The following EYS variants were observed in gnomAD, a reference collection of about 807,000 sequenced individuals.
EYS encodes EGF-like photoreceptor maintenance factor, also known as protein eyes shut homolog.
EYS carries 250 observed loss-of-function variants against 282.1 expected under a neutral mutation model. The observed-to-expected ratio is 0.89, with a 90% confidence interval of 0.80 to 0.98. The LOEUF (loss-of-function observed/expected upper bound fraction) is 0.98, where lower values mean the gene tolerates loss of function less well. Among genes scored for constraint, EYS ranks in the 50% least tolerant of loss-of-function variants. The probability of loss-of-function intolerance (pLI) is 0.00; values close to 1 mark genes in which losing one functional copy is unlikely to be tolerated. For synonymous variants in EYS, 1,355 were observed against 1,282.9 expected (o/e 1.06, Z -1.20); for missense variants, 4,016 against 3,709.0 (o/e 1.08, Z -2.15).
chr6:65,231,643 C>T (rs1000876841), intron 12 of EYS, among the ~76,000 whole-genome samples: 5 of 151,644 alleles, frequency 3.3e-5, no homozygotes, highest in Non-Finnish European at 5.9e-5. Flanking sequence ...TAGGTACAGG[C>T]AAGTTTTTCT....
intron 35 of EYS, among the ~76,000 whole-genome samples, chr6:63,944,415 A>G (rs1765332409): frequency 6.6e-6 from 1 of 152,232 alleles, no homozygotes; most frequent in Non-Finnish European, 1.5e-5. Context: ...AGTTAATTTT[A>G]AAAATTGCAT....
chr6:65,173,744 A>C (rs12209151), intron 12 of EYS, among the ~76,000 whole-genome samples: 6,403 of 151,210 alleles, frequency 0.042, 194 homozygotes, highest in Non-Finnish European at 0.064. Context: ...ACAATATATG[A>C]ATATATAGAT....
intron 39 of EYS, among the ~76,000 whole-genome samples, chr6:63,783,520 T>C (rs1467147778): frequency 6.6e-6 from 1 of 152,056 alleles, no homozygotes. Context: ...CAGTAAAAAC[T>C]AAAAATCCTA....
chr6:64,345,850 TA>T (rs1300579912), intron 29 of EYS, among the ~76,000 whole-genome samples: 1 of 151,512 alleles, frequency 6.6e-6, no homozygotes, highest in East Asian at 1.9e-4. Context: ...CAAACAAATT[TA>T]CAAGAAAAAA....
chr6:65,434,158 G>T (rs1767977946), intron 5 of EYS, among the ~76,000 whole-genome samples: 2 of 152,176 alleles, frequency 1.3e-5, no homozygotes, highest in Admixed American at 1.3e-4. Flanking sequence ...GAGCCCTCAA[G>T]AACTAAGCTT....
intron 7 of EYS, among the ~76,000 whole-genome samples, chr6:65,391,778 T>C (rs1766046070): frequency 6.6e-6 from 1 of 151,996 alleles, no homozygotes; most frequent in Admixed American, 6.6e-5. Context: ...GCCATCCCCA[T>C]CAAGCTACCA....
At chr6:63,736,227 G>A (rs1025633802) in intron 41 of EYS, among the ~76,000 whole-genome samples, 3 of 152,056 alleles carry the variant, frequency 2.0e-5, no homozygotes, top group Non-Finnish European at 4.4e-5. Context: ...TAGGTCTAAC[G>A]TTTAAGTCTT....
rs931925105 is a variant in EYS, at chr6:64,740,349, C to T, written c.3443+73029G>A. Among the ~76,000 whole-genome samples the T allele has an allele frequency of 4.6e-5, 7 of 152,086 alleles. No homozygotes were observed. The East Asian group carries it at 1.4e-3, about 29-fold the overall frequency. On this transcript the variant is annotated intron_variant, in intron 22 of 42. Coordinates refer to ENST00000503581, the MANE Select transcript of EYS (RefSeq NM_001142800.2). ...CTTCAGTATTAGGTCATGGAATCTA[C>T]ATAATGGTTAAATGATTATTAGTTT...
intron 22 of EYS, among the ~76,000 whole-genome samples, chr6:64,801,446 T>C (rs78131299): frequency 0.023 from 3,555 of 152,212 alleles, 119 homozygotes; most frequent in African/African-American, 0.079. Flanking sequence ...AGGTGTGGAA[T>C]GTTTCACATC....
At chr6:64,835,932 CG>C (rs1765369580) in intron 19 of EYS, among the ~76,000 whole-genome samples, 1 of 151,522 alleles carries the variant, frequency 6.6e-6, no homozygotes, top group East Asian at 1.9e-4. Context: ...TAAAAATAAA[CG>C]ATGTATAAAA....
At position 63,863,675 on chromosome 6, in the gene EYS, C is replaced by CTTTTCT. The variant is rs1772597256; in HGVS notation, c.7228+510_7228+511insAGAAAA. 4.6e-3 allele frequency among the ~76,000 whole-genome samples: 274 copies of CTTTTCT among 60,024 alleles called. 1 individual carries two copies. The highest frequency in any genetic ancestry group is 0.012 in the African/African-American group (218 of 17,608). The allele number at this position is 60,024 out of a possible 152,430, so 39.4% of individuals were successfully genotyped here. ...TTTCTTTTCTTTTCTTTTCTTTTTT[C>CTTTTCT]TTTTTTTTTTTTTTTTTTGAGATGG... On this transcript the variant is annotated intron_variant, in intron 36 of 42. Transcript: ENST00000503581.
In EYS at chr6:64,542,893, A is replaced by G. The variant is rs534904620; in HGVS notation, c.5644+47330T>C. ...GGTTCTAATGCAAGATTTCTGTTTC[A>G]TTTCTTATTTTTAATTTTACCAAGA... On this transcript the variant is annotated intron_variant, in intron 26 of 42. Coordinates refer to ENST00000503581, the MANE Select transcript of EYS (RefSeq NM_001142800.2). Among the ~76,000 whole-genome samples the G allele has an allele frequency of 1.1e-4, 16 of 152,144 alleles. No individual in the cohort carries two copies. In the East Asian group the frequency reaches 3.1e-3, roughly 29 times the overall value.
At chr6:63,731,650 T>C (rs998767555) in intron 41 of EYS, among the ~76,000 whole-genome samples, 1 of 152,182 alleles carries the variant, frequency 6.6e-6, no homozygotes, top group African/African-American at 2.4e-5. Context: ...TACCATAAAT[T>C]TGTATGTTTT....
At chr6:63,871,275 T>C (rs1772797317) in intron 35 of EYS, among the ~76,000 whole-genome samples, 1 of 152,212 alleles carries the variant, frequency 6.6e-6, no homozygotes, top group South Asian at 2.1e-4. Flanking sequence ...ACGTTTTTGA[T>C]GAGGGAATGA....
At chr6:64,527,618 C>T (rs934719915) in intron 26 of EYS, among the ~76,000 whole-genome samples, 6 of 151,220 alleles carry the variant, frequency 4.0e-5, no homozygotes, top group East Asian at 1.9e-4. Context: ...GAAATATGAC[C>T]GAAATAAATG....
At chr6:64,819,686 A>G (rs1274318443) in intron 21 of EYS, among the ~76,000 whole-genome samples, 1 of 151,936 alleles carries the variant, frequency 6.6e-6, no homozygotes, top group Non-Finnish European at 1.5e-5. Context: ...AGTGGGAAGG[A>G]TTTCTTTGGA....
chr6:64,902,677 G>T (rs1767704958), intron 16 of EYS, among the ~76,000 whole-genome samples, 177 bp from the exon 17 acceptor site: 1 of 152,092 alleles, frequency 6.6e-6, no homozygotes, highest in Admixed American at 6.6e-5. Flanking sequence ...ATAAAAACAT[G>T]CCAGTTTCTA....
At chr6:64,568,901 A>G (rs1347911094) in intron 26 of EYS, among the ~76,000 whole-genome samples, 1 of 152,098 alleles carries the variant, frequency 6.6e-6, no homozygotes, top group Non-Finnish European at 1.5e-5. Flanking sequence ...TGAATGTGAG[A>G]AGGAAAACTA....
intron 30 of EYS, among the ~76,000 whole-genome samples, chr6:64,249,290 A>C (rs1021577441): frequency 6.6e-6 from 1 of 152,164 alleles, no homozygotes; most frequent in African/African-American, 2.4e-5. Context: ...CAGAAAGACA[A>C]ATAGAACTTG....
Sources: gnomAD v4.1 joint callset for allele counts (sites outside exome capture counted in the v4.1 genomes callset) on GRCh38, gnomAD v4.1.1 for gene constraint, MANE v1.5 for transcripts, NCBI Gene and HGNC (gene_info 2026-07-23, HGNC 2026-07-21) for gene names.